The following PCDHAC1 variants were observed in gnomAD, a reference collection of about 807,000 sequenced individuals.
PCDHAC1 encodes protocadherin alpha-C1.
PCDHAC1 carries 42 observed loss-of-function variants against 60.0 expected under a neutral mutation model. The observed-to-expected ratio is 0.70, with a 90% CI of 0.55 to 0.90. The LOEUF (loss-of-function observed/expected upper bound fraction) is 0.90, where lower values mean the gene tolerates loss of function less well. Ranked by LOEUF, PCDHAC1 falls within the 40% of genes least tolerant of loss-of-function variation. The probability of loss-of-function intolerance (pLI) is 0.00; values close to 1 mark genes in which losing one functional copy is unlikely to be tolerated. For missense variants in PCDHAC1, 1,160 were observed against 1,222.3 expected (o/e 0.95, Z 0.76); for synonymous variants, 468 against 499.3 (o/e 0.94, Z 0.84).
chr5:140,982,324 C>G, intron 2 of PCDHAC1, 151 bp from the exon 3 acceptor site: 2 of 1,393,878 alleles, frequency 1.4e-6, no homozygotes, highest in East Asian at 5.1e-5. Context: ...TGCAGGGTGA[C>G]TGCTCAGCAG....
At chr5:140,985,020 C>G (rs1361661147) in intron 3 of PCDHAC1, among the ~76,000 whole-genome samples, 1 of 152,110 alleles carries the variant, frequency 6.6e-6, no homozygotes, top group Non-Finnish European at 1.5e-5. Flanking sequence ...TCACAGCAAC[C>G]TCTGCCTCCT....
At chr5:140,961,313 G>A (rs2095603813) in intron 1 of PCDHAC1, among the ~76,000 whole-genome samples, 1 of 152,118 alleles carries the variant, frequency 6.6e-6, no homozygotes, top group Admixed American at 6.5e-5. Flanking sequence ...TGATTTACCA[G>A]GCTCTGTTTC....
chr5:140,942,990 C>T (rs1460211642), intron 1 of PCDHAC1, among the ~76,000 whole-genome samples: 4 of 151,892 alleles, frequency 2.6e-5, no homozygotes, highest in Non-Finnish European at 5.9e-5. Context: ...GGTGTGGTGG[C>T]TCATGCCTGT....
intron 1 of PCDHAC1, among the ~76,000 whole-genome samples, chr5:140,961,451 T>C (rs1307588711): frequency 1.3e-5 from 2 of 152,238 alleles, no homozygotes; most frequent in Non-Finnish European, 2.9e-5. Context: ...TACACTGTCT[T>C]GCAGCTGCCT....
intron 3 of PCDHAC1, among the ~76,000 whole-genome samples, chr5:141,007,768 A>C (rs1457934171): frequency 2.0e-5 from 3 of 152,212 alleles, no homozygotes; most frequent in Non-Finnish European, 2.9e-5. Context: ...ATTGGCCTGG[A>C]AATGGTACTG....
At chr5:140,942,539 TG>T (rs1370746759) in intron 1 of PCDHAC1, among the ~76,000 whole-genome samples, 2 of 151,338 alleles carry the variant, frequency 1.3e-5, no homozygotes, top group Admixed American at 6.6e-5. Flanking sequence ...CTCAGTATGG[TG>T]GGGGGTAGGG....
chr5:140,993,631 G>C (rs1466996708), intron 3 of PCDHAC1, among the ~76,000 whole-genome samples: 1 of 152,046 alleles, frequency 6.6e-6, no homozygotes, highest in African/African-American at 2.4e-5. Context: ...ATATATAGTC[G>C]TGTACCAAAT....
rs60032403 is a variant in PCDHAC1 at position 140,941,214 on chromosome 5, C to CCTTT, written c.2433+11928_2433+11931dup. Among the ~76,000 whole-genome samples, 254 of 122,478 alleles carry CCTTT rather than the reference C, an allele frequency of 2.1e-3. 3 individuals carry two copies. The highest frequency in any genetic ancestry group is 3.1e-3 in the Non-Finnish European group (180 of 58,666). 80.4% of individuals were successfully genotyped at this position (122,478 alleles called of 152,430 possible). Reference sequence around the variant, plus strand: ...TTTTTTCTTTCTTCCTTTCTTTCTTCCTTTCTTTCTTTCTTTCTTTCTTTC... The same window carrying CCTTT: ...TTTTTTCTTTCTTCCTTTCTTTCTTCCTTTCTTTCTTTCTTTCTTTCTTTCTTTC... On this transcript the variant is annotated intron_variant, in intron 1 of 3. Coordinates refer to ENST00000253807, the MANE Select transcript of PCDHAC1 (RefSeq NM_018898.5).
intron 3 of PCDHAC1, among the ~76,000 whole-genome samples, chr5:141,007,506 T>A (rs1370245633): frequency 6.6e-6 from 1 of 151,948 alleles, no homozygotes; most frequent in Non-Finnish European, 1.5e-5. Flanking sequence ...AGGCAGAGAC[T>A]GCAGTGAGCT....
At chr5:141,008,425 A>G (rs1195605563) in intron 3 of PCDHAC1, among the ~76,000 whole-genome samples, 2 of 152,172 alleles carry the variant, frequency 1.3e-5, no homozygotes, top group East Asian at 1.9e-4. Context: ...CACTGGGATC[A>G]CTTTGCCCAG....
In PCDHAC1 at chr5:141,000,421, A is replaced by ATTTTT. The variant is rs34755515; in HGVS notation, c.2582-9187_2582-9183dup. Among the ~76,000 whole-genome samples, 110 of 27,976 alleles carry ATTTTT rather than the reference A, an allele frequency of 3.9e-3. 3 individuals carry two copies. Among genetic ancestry groups the ATTTTT allele is most frequent in the Non-Finnish European group, 5.0e-3 (89 of 17,656 alleles). The allele number at this position is 27,976 out of a possible 152,430, so 18.4% of individuals were successfully genotyped here. ...TATATATATATATATATATATATATATTTTTTTTTTTTTTTTTTTTTTTGA... is the reference window on the plus strand; with the variant it reads ...TATATATATATATATATATATATATATTTTTTTTTTTTTTTTTTTTTTTTTTTTGA... On this transcript the variant is annotated intron_variant, in intron 3 of 3. Coordinates refer to ENST00000253807, the MANE Select transcript of PCDHAC1 (RefSeq NM_018898.5).
chr5:140,987,391 G>A (rs1277678841), intron 3 of PCDHAC1, among the ~76,000 whole-genome samples: 1 of 152,140 alleles, frequency 6.6e-6, no homozygotes, highest in Non-Finnish European at 1.5e-5. Flanking sequence ...ATGCATGCAA[G>A]GAAGCCATCT....
intron 1 of PCDHAC1, among the ~76,000 whole-genome samples, chr5:140,976,508 G>A (rs1039409709): frequency 6.6e-6 from 1 of 151,976 alleles, no homozygotes; most frequent in Non-Finnish European, 1.5e-5. Context: ...CCAAGATCGC[G>A]CCACTGCACA....
Position 141,009,873 on chromosome 5 carries a change from A to C in PCDHAC1, c.2828A>C (p.Lys943Thr), listed in dbSNP as rs782413551. The C allele has an allele frequency of 1.2e-6, 2 of 1,613,916 alleles. No homozygotes were observed. The highest frequency in any genetic ancestry group is 2.7e-5 in the African/African-American group (2 of 74,862). The change falls in exon 4 of 4, where the codon AAG (lysine) becomes ACG (threonine). Residue 943 changes from lysine to threonine, a missense_variant. Lys to Thr is a moderately conservative substitution (Grantham distance 78). Transcript: ENST00000253807. ...ACCAAGAAAAAGAAGAAAAAGAAGA[A>C]GGGTAACAAGACCCAGGAGAAAAAA... ...EETKKKKKKK[K>T]GNKTQEKKEK...
chr5:140,998,241 T>C (rs1554256206), intron 3 of PCDHAC1, among the ~76,000 whole-genome samples: 1 of 152,194 alleles, frequency 6.6e-6, no homozygotes, highest in African/African-American at 2.4e-5. Context: ...TGCATTATTA[T>C]ACTCATTTTA....
chr5:140,990,760 G>A (rs2097413418), intron 3 of PCDHAC1, among the ~76,000 whole-genome samples: 1 of 152,182 alleles, frequency 6.6e-6, no homozygotes, highest in Non-Finnish European at 1.5e-5. Context: ...CTTTGAGCCT[G>A]TAAATTTGGC....
intron 3 of PCDHAC1, among the ~76,000 whole-genome samples, chr5:140,992,190 A>C (rs1452489619): frequency 1.3e-5 from 2 of 152,134 alleles, no homozygotes; most frequent in African/African-American, 2.4e-5. Flanking sequence ...GCTTTCAGTG[A>C]TCTATCCAAT....
At chr5:140,992,319 T>C (rs1474763849) in intron 3 of PCDHAC1, among the ~76,000 whole-genome samples, 1 of 152,174 alleles carries the variant, frequency 6.6e-6, no homozygotes, top group Admixed American at 6.6e-5. Context: ...GGGCATTCCC[T>C]TTTCTAAGAG....
chr5:140,929,440 CCTT>C, intron 1 of PCDHAC1, 115 bp downstream of exon 1: 2 of 1,448,524 alleles, frequency 1.4e-6, no homozygotes, highest in Non-Finnish European at 1.8e-6. Flanking sequence ...ACTAAACACT[CCTT>C]CTTAGCACTT....
Sources: gnomAD v4.1 joint callset for allele counts (sites outside exome capture counted in the v4.1 genomes callset) on GRCh38, gnomAD v4.1.1 for gene constraint, MANE v1.5 for transcripts, NCBI Gene and HGNC (gene_info 2026-07-23, HGNC 2026-07-21) for gene names.